NOP9: variants seen among roughly 807,000 people sequenced by gnomAD.
NOP9 encodes the protein nucleolar protein 9.
A neutral mutation model predicts 63.0 loss-of-function variants in NOP9; 50 were observed. The ratio of observed to expected loss-of-function variants is 0.79; its 90% CI spans 0.63 to 1.00. The LOEUF (loss-of-function observed/expected upper bound fraction) is 1.00, where lower values mean the gene tolerates loss of function less well. NOP9 is among the 50% of genes least tolerant of loss of function. The pLI is 0.00. For missense variants in NOP9, 758 were observed against 803.0 expected, an observed-to-expected ratio of 0.94 and a Z score of 0.68; for synonymous variants, 343 against 332.8, an observed-to-expected ratio of 1.03 and a Z score of -0.33.
At chr14:24,280,113 C>T in the NOP9 span, among the ~76,000 whole-genome samples, 3 of 152,194 alleles carry the variant, frequency 2.0e-5, no homozygotes, top group South Asian at 2.1e-4. Context: ...GTGGGGGCTG[C>T]GACAGTGAGC....
the NOP9 span, among the ~76,000 whole-genome samples, chr14:24,274,671 C>T: frequency 2.7e-5 from 4 of 149,136 alleles, no homozygotes; most frequent in African/African-American, 7.4e-5. Flanking sequence ...AGTAGTGGTG[C>T]GGTGTCTGCT....
the NOP9 span, chr14:24,291,140 G>A: frequency 9.4e-5 from 152 of 1,614,096 alleles, no homozygotes; most frequent in Middle Eastern, 1.6e-4. Flanking sequence ...GGTCCTCACC[G>A]TCCACATCCC....
Position 24,303,172 on chromosome 14 carries a change from A to T in NOP9, c.1242A>T (p.Arg414Ser). ...VVIALVGACR[R>S]VGAYQAKVLQ... ...TTGCCCTGGTGGGGGCCTGTCGCAG[A>T]GTTGGGGCCTACCAAGCCAAGGTCC... The change falls in exon 6 of 10, where the codon AGA becomes AGT. Residue 414 changes from arginine (R) to serine (S), a missense_variant. Physicochemically the swap from Arg to Ser is moderately radical, Grantham distance 110. Transcript: ENST00000267425. 6.2e-7 allele frequency: 1 copy of T among 1,614,016 alleles called. No individual in the cohort carries two copies. The highest frequency in any genetic ancestry group is 1.1e-5 in the South Asian group (1 of 91,080).
chr14:24,307,337 CT>C lies in NOP9; in HGVS notation c.*2243del. 6.3e-7 allele frequency: 1 copy of C among 1,596,274 alleles called. No homozygotes were observed. The highest frequency in any genetic ancestry group is 8.5e-7 in the Non-Finnish European group (1 of 1,169,966). ...CTGTTGTGGAGCCCCTTGGCTACCC[CT>C]GCTATAGGAACCGAGGAACTTGGCC... On this transcript the variant is annotated 3_prime_UTR_variant, in exon 10 of 10. Transcript: ENST00000267425.
chr14:24,308,911 GA>G lies in NOP9; in HGVS notation c.*3817del, dbSNP rs1230745397. ...CCCCTGCAGGCTTGAGCCCAAGCCA[GA>G]GCCTTGAAAAGGTATTCAGGTTGTT... On this transcript the variant is annotated 3_prime_UTR_variant, in exon 10 of 10. Transcript: ENST00000267425. 8.5e-5 allele frequency: 13 copies of G among 152,236 alleles called. 1 individual carries two copies. Among genetic ancestry groups the G allele is most frequent in the Admixed American group, 8.5e-4 (13 of 15,286 alleles). 9.4% of individuals were successfully genotyped at this position (152,236 alleles called of 1,614,324 possible).
chr14:24,275,694 T>C, the NOP9 span, among the ~76,000 whole-genome samples: 1 of 152,082 alleles, frequency 6.6e-6, no homozygotes. Flanking sequence ...GGGCCCTGGG[T>C]CAAAGCTTGG....
At chr14:24,302,551 T>A in intron 5 of NOP9, 127 bp downstream of exon 5, 3 of 972,858 alleles carry the variant, frequency 3.1e-6, no homozygotes, top group Non-Finnish European at 4.4e-6. Context: ...AGCTATTCTT[T>A]GAGGTTTTCC....
At chr14:24,301,293 A>G (rs1184700096) in intron 2 of NOP9, among the ~76,000 whole-genome samples, 1 of 152,200 alleles carries the variant, frequency 6.6e-6, no homozygotes, top group African/African-American at 2.4e-5. Flanking sequence ...TTCATGGTAC[A>G]GTCTTGAGCT....
At position 24,300,463 on chromosome 14, in the gene NOP9, C is replaced by G; in HGVS notation, c.303C>G (p.Ser101=). 1 of 1,614,180 alleles carries G rather than the reference C, an allele frequency of 6.2e-7. No individual in the cohort carries two copies. The highest frequency in any genetic ancestry group is 8.5e-7 in the Non-Finnish European group (1 of 1,180,024). Residue 101 remains serine, a synonymous_variant, in exon 2 of 10, where the codon TCC becomes TCG. Transcript: ENST00000267425. ...TAGAGACTCAGGCCCTAGCTTTGTC[C>G]ACGAACAGGACTGGCAGTGAGATGC... ...KEVETQALAL[S]TNRTGSEMLQ...
At chr14:24,299,807 G>A (rs1343612182), upstream of NOP9, 9 of 1,049,886 alleles carry the variant, frequency 8.6e-6, no homozygotes, top group Non-Finnish European at 1.2e-5. Flanking sequence ...CCGCCCGGCT[G>A]GGGCGGCGCG....
chr14:24,302,013 A>G lies in NOP9; in HGVS notation c.857A>G (p.Gln286Arg), dbSNP rs372808777. 8.7e-6 allele frequency: 14 copies of G among 1,614,064 alleles called. No individual in the cohort carries two copies. The highest frequency in any genetic ancestry group is 1.6e-4 in the Middle Eastern group (1 of 6,062). ...ISSFCLQVAL[Q>R]VLHRKLPQFC... The stretch of plus-strand genomic sequence containing the variant: ...AGCTTCTGTCTTCAAGTGGCTTTAC[A>G]GGTTTTACACCGCAAACTTCCCCAG... Residue 286 changes from glutamine (Q) to arginine (R), a missense_variant, in exon 4 of 10, where the codon CAG becomes CGG. By Grantham distance (43) the Gln-to-Arg change is conservative. Transcript: ENST00000267425.
At chr14:24,273,966 A>G in the NOP9 span, among the ~76,000 whole-genome samples, 1 of 152,228 alleles carries the variant, frequency 6.6e-6, no homozygotes, top group African/African-American at 2.4e-5. Flanking sequence ...GAATCTATGT[A>G]AAGTGCTTAG....
At chr14:24,297,435 G>A (rs1200637260), upstream of NOP9, among the ~76,000 whole-genome samples, 21 of 152,162 alleles carry the variant, frequency 1.4e-4, no homozygotes, top group Admixed American at 1.2e-3. Flanking sequence ...AACTTCAGAG[G>A]AAGAAGAGTC....
chr14:24,289,273 T>C, the NOP9 span, among the ~76,000 whole-genome samples: 143,524 of 152,178 alleles, frequency 0.94, 67,761 homozygotes, highest in Non-Finnish European at 0.96. Flanking sequence ...TGAGCCACTG[T>C]GCCCGGCCCC....
At chr14:24,294,400 C>A in the NOP9 span, 1 of 152,056 alleles carries the variant, frequency 6.6e-6, no homozygotes, top group Non-Finnish European at 1.5e-5. Flanking sequence ...CCAGCCCAGC[C>A]AACACGGTGA....
chr14:24,300,838 C>T lies in NOP9; in HGVS notation c.678C>T (p.Pro226=), dbSNP rs1462077790. ...GTILESERAR[P]RGSQSSEAQK... ...TTCTGGAGTCTGAGAGAGCCAGGCCCCGTGGTTCCCAATCATCTGGTAAGT... is the reference window on the plus strand; with the variant it reads ...TTCTGGAGTCTGAGAGAGCCAGGCCTCGTGGTTCCCAATCATCTGGTAAGT... The change falls in exon 2 of 10, where the codon CCC becomes CCT. Residue 226 remains proline, a synonymous_variant. Transcript: ENST00000267425. The T allele has an allele frequency of 2.5e-6, 4 of 1,613,024 alleles. No individual in the cohort carries two copies. Among genetic ancestry groups the T allele is most frequent in the Non-Finnish European group, 3.4e-6 (4 of 1,179,290 alleles).
intron 3 of NOP9, 101 bp from the exon 4 acceptor site, chr14:24,301,864 T>C: frequency 6.9e-7 from 1 of 1,451,680 alleles, no homozygotes; most frequent in South Asian, 1.2e-5. Context: ...GTATAGTCCC[T>C]TTGTGTCCAT....
the NOP9 span, among the ~76,000 whole-genome samples, chr14:24,277,377 G>A: frequency 6.6e-6 from 1 of 152,114 alleles, no homozygotes; most frequent in Non-Finnish European, 1.5e-5. Flanking sequence ...GTGTGCGCAG[G>A]TAGTCATTAC....
Position 24,300,735 on chromosome 14 carries a change from A to G in NOP9, c.575A>G (p.Asp192Gly). The G allele has an allele frequency of 1.9e-6, 3 of 1,614,082 alleles. No individual in the cohort carries two copies. The highest frequency in any genetic ancestry group is 2.5e-6 in the Non-Finnish European group (3 of 1,180,010). The change falls in exon 2 of 10, where the codon GAT becomes GGT. Residue 192 changes from aspartate (D) to glycine (G), a missense_variant. Coordinates refer to ENST00000267425, the MANE Select transcript of NOP9 (RefSeq NM_174913.3). The part of the protein sequence containing the change: ...LVLGLAAEVC[D>G]DFLVYCGDTH... The stretch of plus-strand genomic sequence containing the variant: ...CTGGGACTAGCCGCTGAGGTGTGTG[A>G]TGATTTTCTTGTCTACTGTGGAGAC...
Sources: allele counts gnomAD v4.1 joint callset (sites outside exome capture counted in the v4.1 genomes callset), GRCh38; gene constraint gnomAD v4.1.1; transcripts MANE v1.5; gene names NCBI Gene and HGNC (gene_info 2026-07-23, HGNC 2026-07-21).